The following ANKRD36C variants were observed in gnomAD, a reference collection of about 807,000 sequenced individuals.
ANKRD36C encodes ankyrin repeat domain 36C.
In ANKRD36C, 61 loss-of-function variants were observed where a neutral mutation model predicts 276.4. The ratio of observed to expected loss-of-function variants is 0.22; its 90% CI spans 0.18 to 0.27. ANKRD36C has a LOEUF of 0.27. Ranked by LOEUF, ANKRD36C falls within the 10% of genes least tolerant of loss-of-function variation. ANKRD36C has a pLI of 1.00. For missense variants in ANKRD36C, 1,447 were observed against 2,032.3 expected, an observed-to-expected ratio of 0.71 and a Z score of 5.54; for synonymous variants, 483 against 680.1, an observed-to-expected ratio of 0.71 and a Z score of 4.51.
chr2:95,915,943 G>C, intron 38 of ANKRD36C, 37 bp downstream of exon 40: 1 of 1,538,212 alleles, frequency 6.5e-7, no homozygotes, highest in Non-Finnish European at 8.8e-7. Context: ...TTCTTATCTG[G>C]ACTGAACATG....
At chr2:95,979,867 A>T (rs1224700093) in intron 5 of ANKRD36C, among the ~76,000 whole-genome samples, 4 of 152,012 alleles carry the variant, frequency 2.6e-5, no homozygotes, top group African/African-American at 9.7e-5. Context: ...TGTGGGTGAA[A>T]GTGTCAATTT....
At chr2:95,914,389 T>A in intron 38 of ANKRD36C, 86 bp from the exon 41 acceptor site, 1 of 1,475,364 alleles carries the variant, frequency 6.8e-7, no homozygotes, top group Non-Finnish European at 9.3e-7. Flanking sequence ...CATCAACCTC[T>A]GTCTTCCTGC....
Position 95,958,573 on chromosome 2 carries a change from T to C in ANKRD36C, c.1105+18A>G, listed in dbSNP as rs1273450749. 6.5e-7 allele frequency: 1 copy of C among 1,544,172 alleles called. No homozygotes were observed. ...TATCTTCAGTGTACATGGCATTAAATGTGTATTGCAAAATTACCTGTCCCA... is the reference window on the plus strand; with the variant it reads ...TATCTTCAGTGTACATGGCATTAAACGTGTATTGCAAAATTACCTGTCCCA... On this transcript the variant is annotated intron_variant, in intron 12 of 66. Transcript: ENST00000456556.
At chr2:95,860,962 T>A (rs1238419376) in intron 60 of ANKRD36C, among the ~76,000 whole-genome samples, 1 of 151,892 alleles carries the variant, frequency 6.6e-6, no homozygotes, top group Non-Finnish European at 1.5e-5. Flanking sequence ...AAAAAACAGT[T>A]AAAGAAAATT....
intron 59 of ANKRD36C, among the ~76,000 whole-genome samples, chr2:95,872,362 T>G (rs1675833813): frequency 6.6e-6 from 1 of 150,958 alleles, no homozygotes; most frequent in Admixed American, 6.6e-5. Context: ...ATTAAGAAAC[T>G]CACTCAAAAC....
At chr2:95,990,658 T>C (rs1200568324) in intron 1 of ANKRD36C, among the ~76,000 whole-genome samples, 1 of 152,232 alleles carries the variant, frequency 6.6e-6, no homozygotes, top group Non-Finnish European at 1.5e-5. Context: ...CTCAGAACTT[T>C]AGAAAAATGT....
intron 12 of ANKRD36C, among the ~76,000 whole-genome samples, chr2:95,957,857 C>T (rs952338718): frequency 2.0e-5 from 3 of 152,176 alleles, no homozygotes; most frequent in Non-Finnish European, 4.4e-5. Context: ...CCAATGTATG[C>T]ATATTTACAT....
At chr2:95,980,232 A>C (rs1166475266) in intron 5 of ANKRD36C, among the ~76,000 whole-genome samples, 2 of 152,054 alleles carry the variant, frequency 1.3e-5, no homozygotes, top group Non-Finnish European at 2.9e-5. Context: ...TTCTTGAAAA[A>C]TTCCATGATC....
intron 38 of ANKRD36C, among the ~76,000 whole-genome samples, chr2:95,914,593 A>T (rs1411297677): frequency 6.6e-6 from 1 of 151,536 alleles, no homozygotes; most frequent in African/African-American, 2.4e-5. Context: ...GGTGATGAGA[A>T]CATATGTGAT....
rs552404408 is a variant in ANKRD36C, at chr2:95,938,805, T to A, written c.1633+24A>T. 2.0e-6 allele frequency: 3 copies of A among 1,537,662 alleles called. No individual in the cohort carries two copies. In the East Asian group the frequency reaches 7.3e-5, roughly 38 times the overall value. On this transcript the variant is annotated intron_variant, in intron 22 of 66. Transcript: ENST00000456556. ...ATATTTTCATCTACATTTTCTAGAATGAAATTTGTAGTGGCAAATTTACCT... is the reference window on the plus strand; with the variant it reads ...ATATTTTCATCTACATTTTCTAGAAAGAAATTTGTAGTGGCAAATTTACCT...
intron 14 of ANKRD36C, 29 bp from the exon 15 acceptor site, chr2:95,951,437 A>T: frequency 7.0e-7 from 1 of 1,423,880 alleles, no homozygotes; most frequent in Non-Finnish European, 9.5e-7. Context: ...AGGTTTAAGA[A>T]TAACATGGAG....
chr2:95,934,977 C>T (rs149061139), intron 24 of ANKRD36C, among the ~76,000 whole-genome samples: 1 of 145,344 alleles, frequency 6.9e-6, no homozygotes, highest in African/African-American at 2.5e-5. Context: ...CACACACATA[C>T]ACATGCAGAA....
At chr2:95,857,397 C>G (rs1376949968) in exon 62 of ANKRD36C, 1 of 1,610,012 alleles carries the variant, frequency 6.2e-7, no homozygotes, top group Non-Finnish European at 8.5e-7. Context: ...AGCTTCTATC[C>G]TATATTGCTC....
At position 95,947,887 on chromosome 2, in the gene ANKRD36C, A is replaced by T. The variant is rs560906892; in HGVS notation, c.1362+643T>A. Among the ~76,000 whole-genome samples the T allele has an allele frequency of 3.3e-5, 5 of 152,246 alleles. No individual in the cohort carries two copies. In the South Asian group the frequency reaches 1.0e-3, roughly 32 times the overall value. On this transcript the variant is annotated intron_variant, in intron 17 of 66. Transcript: ENST00000456556. ...AGCTTGGTCTTAAACTCCTGGGATT[A>T]AGAAATTCTCCTGGCTTGAACTCTT...
intron 6 of ANKRD36C, among the ~76,000 whole-genome samples, chr2:95,963,021 C>T (rs1371277737): frequency 1.3e-5 from 2 of 152,052 alleles, no homozygotes; most frequent in African/African-American, 2.4e-5. Flanking sequence ...ATTATGATGA[C>T]ACTTCAGCTG....
rs1219107922 is a variant in ANKRD36C, at chr2:95,920,520, T to C, written c.2245+1087A>G. The stretch of plus-strand genomic sequence containing the variant: ...TCTCACACCCATGTGGTGTAATAAT[T>C]TGCCTAAGTTTCTTGTATCCACTAG... On this transcript the variant is annotated intron_variant, in intron 34 of 66. Transcript: ENST00000456556. Among the ~76,000 whole-genome samples the C allele has an allele frequency of 1.5e-5, 2 of 132,304 alleles. 1 individual carries two copies. Among genetic ancestry groups the C allele is most frequent in the Non-Finnish European group, 3.4e-5 (2 of 59,630 alleles). 86.8% of individuals were successfully genotyped at this position (132,304 alleles called of 152,430 possible).
intron 54 of ANKRD36C, 60 bp from the exon 75 acceptor site, chr2:95,882,557 A>C (rs1676110006): frequency 1.3e-6 from 2 of 1,545,068 alleles, no homozygotes; most frequent in Non-Finnish European, 1.7e-6. Flanking sequence ...TTATCCATAC[A>C]TTCATGCAGT....
Position 95,929,538 on chromosome 2 carries a change from A to G in ANKRD36C, c.1736-271T>C, listed in dbSNP as rs375021303. On this transcript the variant is annotated intron_variant, in intron 24 of 66. Coordinates refer to ENST00000456556, the Ensembl canonical transcript of ANKRD36C. Reference sequence around the variant, plus strand: ...CTAAAACTAAGATAAAACCATGTCAATATCAATGTGGATATGCTGAGTGAT... The same window carrying G: ...CTAAAACTAAGATAAAACCATGTCAGTATCAATGTGGATATGCTGAGTGAT... Among the ~76,000 whole-genome samples, 161 of 151,732 alleles carry G rather than the reference A, an allele frequency of 1.1e-3. 2 individuals carry two copies. In the East Asian group the frequency reaches 0.028, roughly 26 times the overall value.
At chr2:95,946,932 T>G (rs1678068763) in intron 17 of ANKRD36C, among the ~76,000 whole-genome samples, 1 of 151,946 alleles carries the variant, frequency 6.6e-6, no homozygotes, top group African/African-American at 2.4e-5. Flanking sequence ...GGGGGAGGGA[T>G]AGCATTGGGA....
Sources: gnomAD v4.1 joint callset for allele counts (sites outside exome capture counted in the v4.1 genomes callset) on GRCh38, gnomAD v4.1.1 for gene constraint, MANE v1.5 for transcripts, NCBI Gene and HGNC (gene_info 2026-07-23, HGNC 2026-07-21) for gene names.